The following NEO1 variants were observed in gnomAD, a reference collection of about 807,000 sequenced individuals.
NEO1 encodes neogenin.
Under a neutral mutation model 159.7 loss-of-function variants are expected in NEO1, and 63 were observed. That is an observed-to-expected ratio of 0.39 (90% CI 0.32 to 0.49). NEO1 has a LOEUF of 0.49. NEO1 is among the 20% of genes least tolerant of loss of function. The probability of loss-of-function intolerance (pLI) is 0.85; values close to 1 mark genes in which losing one functional copy is unlikely to be tolerated. For synonymous variants in NEO1, 633 were observed against 662.0 expected, an observed-to-expected ratio of 0.96 and a Z score of 0.67; for missense variants, 1,615 against 1,831.0, an observed-to-expected ratio of 0.88 and a Z score of 2.15.
intron 8 of NEO1, among the ~76,000 whole-genome samples, chr15:73,238,220 A>AT (rs1215917601): frequency 1.0e-5 from 1 of 95,600 alleles, no homozygotes; most frequent in Non-Finnish European, 2.1e-5. Context: ...ACATCACCCT[A>AT]TTTTTTGGTA....
In NEO1 at chr15:73,116,780, A is replaced by G. The variant is rs2071348455; in HGVS notation, c.371A>G (p.Glu124Gly). 1 of 1,613,724 alleles carries G rather than the reference A, an allele frequency of 6.2e-7. No homozygotes were observed. Among genetic ancestry groups the G allele is most frequent in the Non-Finnish European group, 8.5e-7 (1 of 1,179,850 alleles). The change falls in exon 2 of 29, where the codon GAA (glutamate) becomes GGA (glycine). Residue 124 changes from glutamate (E) to glycine (G), a missense_variant. Around this residue, in one of 3 missense-constraint regions of NEO1, gnomAD observed 1,018 missense variants for 1,115.4 expected, o/e 0.91. Transcript: ENST00000261908. Reference protein sequence around the residue: ...VVHSKHNKPDEGYYQCVATVE... With the variant: ...VVHSKHNKPDGGYYQCVATVE... ...CATTCCAAACACAATAAACCTGATG[A>G]AGGTTATTATCAGTGTGTGGCCACT...
Position 73,270,322 on chromosome 15 carries a change from A to T in NEO1, c.2725A>T (p.Asn909Tyr). The T allele has an allele frequency of 6.2e-7, 1 of 1,614,126 alleles. No homozygotes were observed. Reference protein sequence around the residue: ...IPANTKYKNANATTLSYLVTG... With the variant: ...IPANTKYKNAYATTLSYLVTG... ...CAATTCATGTTTTTTTCAGAATGCA[A>T]ATGCAACCACTTTGAGTTATTTGGT... The change falls in exon 18 of 29, where the codon AAT (asparagine) becomes TAT (tyrosine). Residue 909 changes from asparagine (N) to tyrosine (Y), a missense_variant. Transcript: ENST00000261908.
intron 11 of NEO1, among the ~76,000 whole-genome samples, chr15:73,252,904 C>T (rs1347503202): frequency 2.0e-5 from 3 of 152,128 alleles, no homozygotes; most frequent in South Asian, 2.1e-4. Context: ...GCAGGAGAAT[C>T]GCTTGAACCC....
Position 73,203,381 on chromosome 15 carries a change from C to G in NEO1, c.1291+24954C>G, listed in dbSNP as rs150881570. On this transcript the variant is annotated intron_variant, in intron 7 of 28. Coordinates refer to ENST00000261908, the MANE Select transcript of NEO1 (RefSeq NM_002499.4). ...TATTTAAAGTGAATTTTCTTGTAGA[C>G]AGCACATAGTTTGTCTTGTTTTTTA... is the stretch of plus-strand genomic sequence containing the variant. Among the ~76,000 whole-genome samples, 579 of 152,236 alleles carry G rather than the reference C, an allele frequency of 3.8e-3. 2 individuals carry two copies. The highest frequency in any genetic ancestry group is 7.0e-3 in the Non-Finnish European group (475 of 67,980).
chr15:73,155,892 T>A (rs2033736703), intron 5 of NEO1, among the ~76,000 whole-genome samples: 1 of 152,252 alleles, frequency 6.6e-6, no homozygotes, highest in Non-Finnish European at 1.5e-5. Context: ...AGATTTCTCT[T>A]GCAATCTCAT....
intron 5 of NEO1, among the ~76,000 whole-genome samples, chr15:73,152,869 A>G (rs2033487334): frequency 6.6e-6 from 1 of 152,080 alleles, no homozygotes; most frequent in Non-Finnish European, 1.5e-5. Context: ...TGAGAGTAGA[A>G]AAAAAATGCA....
intron 7 of NEO1, among the ~76,000 whole-genome samples, chr15:73,229,133 T>C (rs1177025665): frequency 6.6e-6 from 1 of 152,136 alleles, no homozygotes; most frequent in South Asian, 2.1e-4. Flanking sequence ...TTAACAACTT[T>C]GAGTTGTTCA....
chr15:73,160,281 C>T (rs539475921), intron 5 of NEO1, among the ~76,000 whole-genome samples: 6 of 152,318 alleles, frequency 3.9e-5, no homozygotes, highest in Admixed American at 2.6e-4. Flanking sequence ...GGGGTTATTT[C>T]CCCACACACC....
intron 1 of NEO1, among the ~76,000 whole-genome samples, chr15:73,090,146 T>G (rs1408957481): frequency 6.6e-6 from 1 of 152,232 alleles, no homozygotes; most frequent in African/African-American, 2.4e-5. Flanking sequence ...TACATTGTTA[T>G]GTGAGAGAAA....
At position 73,289,110 on chromosome 15, in the gene NEO1, A is replaced by T. The variant is rs777990351; in HGVS notation, c.3650-36A>T. 5 of 1,570,770 alleles carry T rather than the reference A, an allele frequency of 3.2e-6. No individual in the cohort carries two copies. The South Asian group carries it at 4.5e-5, about 14-fold the overall frequency. On this transcript the variant is annotated intron_variant, in intron 24 of 28. Transcript: ENST00000261908. ...TTGAGGCTGCTCAGTGGCATAGGGC[A>T]CATGCTGGTAACTAACCTCCACGTT...
chr15:73,224,575 T>G (rs190228295), intron 7 of NEO1, among the ~76,000 whole-genome samples: 95 of 136,534 alleles, frequency 7.0e-4, no homozygotes, highest in African/African-American at 2.3e-3. Flanking sequence ...GCTCTCAATT[T>G]CTTTCTTCTA....
At chr15:73,143,189 G>T in intron 5 of NEO1, 1 of 160,844 alleles carries the variant, frequency 6.2e-6, no homozygotes, top group South Asian at 1.8e-4. Context: ...ATCCTTCTGT[G>T]GCAGATGTAA....
At chr15:73,073,429 A>G (rs2068628351) in intron 1 of NEO1, among the ~76,000 whole-genome samples, 1 of 152,034 alleles carries the variant, frequency 6.6e-6, no homozygotes, top group Admixed American at 6.6e-5. Flanking sequence ...TTGAGGTCTC[A>G]TGAGTTGGGT....
chr15:73,299,471 C>T (rs1052996422), intron 27 of NEO1, among the ~76,000 whole-genome samples: 1 of 151,732 alleles, frequency 6.6e-6, no homozygotes, highest in South Asian at 2.1e-4. Context: ...CTGCAAGCTC[C>T]GACTCCCGGG....
At chr15:73,121,821 C>T (rs2071671013) in intron 2 of NEO1, among the ~76,000 whole-genome samples, 1 of 152,034 alleles carries the variant, frequency 6.6e-6, no homozygotes. Context: ...TTCAGTCTGA[C>T]TTCTGTGCCC....
chr15:73,098,101 A>C (rs368343100), intron 1 of NEO1, among the ~76,000 whole-genome samples: 5 of 143,142 alleles, frequency 3.5e-5, no homozygotes, highest in East Asian at 2.0e-4. Context: ...ACACACACAC[A>C]CCCTCAGAAT....
intron 1 of NEO1, among the ~76,000 whole-genome samples, chr15:73,097,290 T>A (rs970714718): frequency 2.0e-5 from 3 of 152,112 alleles, no homozygotes; most frequent in Non-Finnish European, 2.9e-5. Flanking sequence ...ATTTTAAATT[T>A]TTATCTTTTA....
chr15:73,063,297 C>T, intron 1 of NEO1, among the ~76,000 whole-genome samples: 1 of 152,066 alleles, frequency 6.6e-6, no homozygotes, highest in Non-Finnish European at 1.5e-5. Context: ...CATAACCACC[C>T]ACTCTACTGG....
intron 26 of NEO1, among the ~76,000 whole-genome samples, chr15:73,297,571 A>C (rs1195837238): frequency 2.6e-5 from 4 of 152,176 alleles, no homozygotes; most frequent in Non-Finnish European, 5.9e-5. Context: ...CTAGTACACA[A>C]AGATTGGAGT....
Sources: gnomAD v4.1 joint callset for allele counts (sites outside exome capture counted in the v4.1 genomes callset) on GRCh38, gnomAD v4.1.1 for gene constraint, gnomAD v4.1.1 regional missense constraint, MANE v1.5 for transcripts, NCBI Gene and HGNC (gene_info 2026-07-23, HGNC 2026-07-21) for gene names.